The following MOB3B variants were observed in gnomAD, a reference collection of about 807,000 sequenced individuals.
The protein encoded by MOB3B is MOB kinase activator-like 2B.
In MOB3B, 7 loss-of-function variants were observed where a neutral mutation model predicts 18.7. The ratio of observed to expected loss-of-function variants is 0.37; its 90% CI spans 0.21 to 0.70. MOB3B has a LOEUF of 0.70. Ranked by LOEUF, MOB3B falls within the 30% of genes least tolerant of loss-of-function variation. The probability of loss-of-function intolerance (pLI) is 0.52; values close to 1 mark genes in which losing one functional copy is unlikely to be tolerated. For synonymous variants in MOB3B, 111 were observed against 99.9 expected (o/e 1.11, Z -0.66); for missense variants, 253 against 281.3 (o/e 0.90, Z 0.72).
chr9:27,496,002 G>T (rs1206889360), intron 1 of MOB3B, among the ~76,000 whole-genome samples: 1 of 152,208 alleles, frequency 6.6e-6, no homozygotes, highest in Non-Finnish European at 1.5e-5. Context: ...GCAGCATACT[G>T]TTATAATTAG....
At position 27,455,297 on chromosome 9, in the gene MOB3B, C is replaced by T. The variant is rs79546166; in HGVS notation, c.254G>A (p.Arg85Gln). The change falls in exon 2 of 4, where the codon CGG (arginine) becomes CAG (glutamine). Residue 85 changes from arginine to glutamine, a missense_variant. Coordinates refer to ENST00000262244, the MANE Select transcript of MOB3B (RefSeq NM_024761.5). Reference protein sequence around the residue: ...YGTICEFCTERTCPVMSGGPK... With the variant: ...YGTICEFCTEQTCPVMSGGPK... The stretch of plus-strand genomic sequence containing the variant: ...GCCCCCTGACATCACAGGACAGGTC[C>T]GCTCGGTGCAGAACTCACAGATGGT... The T allele has an allele frequency of 9.9e-6, 16 of 1,614,098 alleles. No individual in the cohort carries two copies. The highest frequency in any genetic ancestry group is 2.2e-5 in the East Asian group (1 of 44,882).
At chr9:27,502,602 C>A (rs1370388924) in intron 1 of MOB3B, among the ~76,000 whole-genome samples, 1 of 152,342 alleles carries the variant, frequency 6.6e-6, no homozygotes, top group African/African-American at 2.4e-5. Context: ...TCCCTTTCCT[C>A]CCCAGGAACA....
At chr9:27,386,687 C>A (rs1821653890) in intron 2 of MOB3B, among the ~76,000 whole-genome samples, 1 of 152,188 alleles carries the variant, frequency 6.6e-6, no homozygotes, top group Non-Finnish European at 1.5e-5. Flanking sequence ...GCTCAGTCTG[C>A]CTGAGTTCCA....
intron 1 of MOB3B, among the ~76,000 whole-genome samples, chr9:27,523,468 A>C (rs929646846): frequency 2.0e-5 from 3 of 151,250 alleles, no homozygotes; most frequent in African/African-American, 7.3e-5. Flanking sequence ...CTGCACCAAA[A>C]AAAAAAAAGA....
chr9:27,512,919 G>C (rs1238267112), intron 1 of MOB3B, among the ~76,000 whole-genome samples: 2 of 152,128 alleles, frequency 1.3e-5, no homozygotes, highest in Non-Finnish European at 2.9e-5. Context: ...ACACAGGAAA[G>C]TACATCAGGG....
chr9:27,373,713 C>T (rs896560291), intron 2 of MOB3B, among the ~76,000 whole-genome samples: 7 of 152,226 alleles, frequency 4.6e-5, no homozygotes, highest in African/African-American at 1.4e-4. Context: ...ACATTGGCTC[C>T]GAAGAGAAAC....
chr9:27,346,739 A>G (rs898736725), intron 3 of MOB3B, among the ~76,000 whole-genome samples: 3 of 152,228 alleles, frequency 2.0e-5, no homozygotes, highest in African/African-American at 7.2e-5. Flanking sequence ...TCATGCCTAT[A>G]ATCCCAGCAC....
At chr9:27,460,609 A>T (rs1396708302) in intron 1 of MOB3B, among the ~76,000 whole-genome samples, 2 of 152,134 alleles carry the variant, frequency 1.3e-5, no homozygotes, top group Non-Finnish European at 2.9e-5. Flanking sequence ...GTGGTACTGA[A>T]GGGTGAGGGG....
chr9:27,434,209 C>T (rs1452735127), intron 2 of MOB3B, among the ~76,000 whole-genome samples: 2 of 152,154 alleles, frequency 1.3e-5, no homozygotes, highest in Non-Finnish European at 2.9e-5. Flanking sequence ...CTCATCTGGG[C>T]TGTCTGCTGA....
At chr9:27,520,962 A>G (rs1218958270) in intron 1 of MOB3B, among the ~76,000 whole-genome samples, 1 of 152,246 alleles carries the variant, frequency 6.6e-6, no homozygotes, top group African/African-American at 2.4e-5. Flanking sequence ...AAGACAGGCA[A>G]TCCTAATGGT....
intron 2 of MOB3B, among the ~76,000 whole-genome samples, chr9:27,428,781 G>T (rs1822375346): frequency 6.6e-6 from 1 of 152,184 alleles, no homozygotes; most frequent in African/African-American, 2.4e-5. Flanking sequence ...GCATGCTCAA[G>T]GGGACCATGT....
At chr9:27,425,628 C>T (rs1045574170) in intron 2 of MOB3B, among the ~76,000 whole-genome samples, 12 of 152,134 alleles carry the variant, frequency 7.9e-5, no homozygotes, top group African/African-American at 2.9e-4. Flanking sequence ...GATGAAAACA[C>T]TCATGGTTTT....
At chr9:27,415,849 G>C (rs756029371) in intron 2 of MOB3B, among the ~76,000 whole-genome samples, 1 of 152,112 alleles carries the variant, frequency 6.6e-6, no homozygotes, top group Non-Finnish European at 1.5e-5. Flanking sequence ...ATCACATCTG[G>C]TTCTAAACTG....
chr9:27,403,099 C>T (rs1821910579), intron 2 of MOB3B, among the ~76,000 whole-genome samples: 1 of 152,094 alleles, frequency 6.6e-6, no homozygotes, highest in African/African-American at 2.4e-5. Context: ...GCTCTGATGA[C>T]CACTGGCTCT....
At chr9:27,484,101 G>T (rs977922253) in intron 1 of MOB3B, among the ~76,000 whole-genome samples, 3 of 152,318 alleles carry the variant, frequency 2.0e-5, no homozygotes, top group South Asian at 4.1e-4. Context: ...TGCCCCAAGT[G>T]AGAATTGTTA....
At chr9:27,495,102 G>C (rs1819876892) in intron 1 of MOB3B, among the ~76,000 whole-genome samples, 1 of 152,088 alleles carries the variant, frequency 6.6e-6, no homozygotes, top group Non-Finnish European at 1.5e-5. Context: ...GCTGAGGTGG[G>C]AGGATCACTT....
intron 2 of MOB3B, among the ~76,000 whole-genome samples, chr9:27,379,543 T>C (rs762659414): frequency 6.6e-5 from 10 of 152,198 alleles, no homozygotes; most frequent in African/African-American, 2.4e-4. Context: ...TGAAGTTTCC[T>C]GCCCAAGGTC....
At chr9:27,480,000 T>C (rs2131476147) in intron 1 of MOB3B, among the ~76,000 whole-genome samples, 1 of 149,426 alleles carries the variant, frequency 6.7e-6, no homozygotes, top group African/African-American at 2.5e-5. Context: ...AAGGTAACAG[T>C]GAGCTATGAC....
At chr9:27,479,573 T>A (rs776433063) in intron 1 of MOB3B, among the ~76,000 whole-genome samples, 1 of 151,956 alleles carries the variant, frequency 6.6e-6, no homozygotes, top group Non-Finnish European at 1.5e-5. Flanking sequence ...AAGAAAAAGA[T>A]AAATAAGCAA....
Sources: allele counts gnomAD v4.1 joint callset (sites outside exome capture counted in the v4.1 genomes callset), GRCh38; gene constraint gnomAD v4.1.1; transcripts MANE v1.5; gene names NCBI Gene and HGNC (gene_info 2026-07-23, HGNC 2026-07-21).